The following ITGB8 variants were observed in gnomAD, a reference collection of about 807,000 sequenced individuals.
The protein encoded by ITGB8 is integrin subunit beta 8, also known as integrin beta-8.
A neutral mutation model predicts 89.5 loss-of-function variants in ITGB8; 30 were observed. That is an observed-to-expected ratio of 0.34 (90% confidence interval 0.25 to 0.45). The LOEUF (loss-of-function observed/expected upper bound fraction) is 0.45, where lower values mean the gene tolerates loss of function less well. ITGB8 is among the 20% of genes least tolerant of loss of function. The pLI is 1.00. For synonymous variants in ITGB8, 335 were observed against 320.4 expected (o/e 1.05, Z -0.49); for missense variants, 836 against 933.3 (o/e 0.90, Z 1.36).
intron 3 of ITGB8, among the ~76,000 whole-genome samples, chr7:20,376,688 T>C (rs1454970392): frequency 6.6e-6 from 1 of 152,134 alleles, no homozygotes; most frequent in Non-Finnish European, 1.5e-5. Context: ...AGAGCACGAT[T>C]TGGGGTCAGC....
At chr7:20,358,630 T>G (rs1248297667) in intron 1 of ITGB8, among the ~76,000 whole-genome samples, 2 of 152,140 alleles carry the variant, frequency 1.3e-5, no homozygotes, top group African/African-American at 4.8e-5. Context: ...CTCGAACTCC[T>G]GAACTCAGGT....
At chr7:20,364,080 G>T (rs1379747396) in intron 2 of ITGB8, among the ~76,000 whole-genome samples, 1 of 152,150 alleles carries the variant, frequency 6.6e-6, no homozygotes, top group Non-Finnish European at 1.5e-5. Context: ...GTATCCTGTT[G>T]TTCAAAATAA....
chr7:20,331,406 T>G lies in ITGB8; in HGVS notation c.-401T>G. 3 of 397,166 alleles carry G rather than the reference T, an allele frequency of 7.6e-6. No individual in the cohort carries two copies. Among genetic ancestry groups the G allele is most frequent in the African/African-American group, 2.1e-5 (1 of 48,646 alleles). 24.6% of individuals were successfully genotyped at this position (397,166 alleles called of 1,614,324 possible). The stretch of plus-strand genomic sequence containing the variant: ...AGCTTCGGGCTTTGTTTGGGTTTGA[T>G]TGTGTTTGGCTCTTCGCTAAGCTGA... On this transcript the variant is annotated 5_prime_UTR_variant, in exon 1 of 14. Coordinates refer to ENST00000222573, the MANE Select transcript of ITGB8 (RefSeq NM_002214.3).
rs1425034569 is a variant in ITGB8 at position 20,412,037 on chromosome 7, AC to A, written c.*2041del. 2 of 152,610 alleles carry A rather than the reference AC, an allele frequency of 1.3e-5. No individual in the cohort carries two copies. Among genetic ancestry groups the A allele is most frequent in the African/African-American group, 4.8e-5 (2 of 41,442 alleles). The allele number at this position is 152,610 out of a possible 1,614,324, so 9.5% of individuals were successfully genotyped here. A position where few individuals can be genotyped will look rare whatever the true frequency, so the allele number is the denominator to read the frequency against. Reference sequence around the variant, plus strand: ...CGAAATATCTTTTTTTTTATAATAAACTTCCAAGATTTGCTGTCTTCCAGCA... The same window carrying A: ...CGAAATATCTTTTTTTTTATAATAAATTCCAAGATTTGCTGTCTTCCAGCA... On this transcript the variant is annotated 3_prime_UTR_variant, in exon 14 of 14. Coordinates refer to ENST00000222573, the MANE Select transcript of ITGB8 (RefSeq NM_002214.3).
At chr7:20,332,061 T>G (rs947034688) in intron 1 of ITGB8, 128 bp downstream of exon 1, 60 of 1,463,390 alleles carry the variant, frequency 4.1e-5, no homozygotes, top group Non-Finnish European at 5.1e-5. Flanking sequence ...AGGGGGCGGG[T>G]GCGGGGCAGC....
At chr7:20,373,296 A>G (rs3807943) in intron 3 of ITGB8, among the ~76,000 whole-genome samples, 18,086 of 152,092 alleles carry the variant, frequency 0.12, 1,329 homozygotes, top group East Asian at 0.42. Context: ...TCACTTATGA[A>G]TCTTATGGAA....
intron 9 of ITGB8, among the ~76,000 whole-genome samples, chr7:20,400,050 T>G (rs1296689004): frequency 6.6e-6 from 1 of 152,190 alleles, no homozygotes; most frequent in Non-Finnish European, 1.5e-5. Context: ...ATATACCAGT[T>G]TGCAAAATGC....
At chr7:20,391,345 T>C (rs1583527105) in intron 6 of ITGB8, 58 bp from the exon 7 acceptor site, 1 of 868,390 alleles carries the variant, frequency 1.2e-6, no homozygotes, top group East Asian at 2.7e-5. Context: ...TATTAGATGT[T>C]TGAATAGGAT....
chr7:20,342,275 T>C (rs1429032461), intron 1 of ITGB8, among the ~76,000 whole-genome samples: 1 of 152,200 alleles, frequency 6.6e-6, no homozygotes, highest in Non-Finnish European at 1.5e-5. Context: ...TTGTTAGGGC[T>C]CTGTATTGAC....
At chr7:20,349,968 C>T (rs76463692) in intron 1 of ITGB8, among the ~76,000 whole-genome samples, 12,812 of 152,244 alleles carry the variant, frequency 0.084, 682 homozygotes, top group East Asian at 0.34. Flanking sequence ...CTACAGTCAA[C>T]GTACAGAACC....
rs1228794906 is a variant in ITGB8 at position 20,363,690 on chromosome 7, C to T, written c.181C>T (p.Leu61=). The T allele has an allele frequency of 1.2e-6, 2 of 1,605,580 alleles. No individual in the cohort carries two copies. Among genetic ancestry groups the T allele is most frequent in the Non-Finnish European group, 1.7e-6 (2 of 1,177,510 alleles). The part of the protein sequence containing the change: ...NAASCARCLA[L]GPECGWCVQE... ...AGCATCCTGTGCCAGGTGCCTTGCG[C>T]TGGGTCCAGAATGTGGATGGTGTGT... The change falls in exon 2 of 14, where the codon CTG becomes TTG. Residue 61 remains leucine, a synonymous_variant. Transcript: ENST00000222573.
chr7:20,381,087 G>A (rs1348835604), intron 5 of ITGB8: 4 of 328,520 alleles, frequency 1.2e-5, no homozygotes, highest in African/African-American at 6.5e-5. Flanking sequence ...TTTCCAAAAG[G>A]GCTGCTTTTC....
chr7:20,336,067 G>GCGATCT (rs1480824775), intron 1 of ITGB8, among the ~76,000 whole-genome samples: 1 of 138,674 alleles, frequency 7.2e-6, no homozygotes, highest in East Asian at 2.1e-4. Flanking sequence ...GTGCAGTGGT[G>GCGATCT]CGATCTCGGC....
intron 10 of ITGB8, among the ~76,000 whole-genome samples, chr7:20,403,329 T>G (rs1040601028): frequency 6.6e-6 from 1 of 152,232 alleles, no homozygotes; most frequent in Admixed American, 6.5e-5. Context: ...GTCCCACAGC[T>G]GTCAATCTCT....
In ITGB8 at chr7:20,354,507, G is replaced by A. The variant is rs140517633; in HGVS notation, c.128-9130G>A. On this transcript the variant is annotated intron_variant, in intron 1 of 13. Transcript: ENST00000222573. Reference sequence around the variant, plus strand: ...TTGAAAACAGGACGAAGTAAGATTCGAGTAAGCTTTCCTTTCACATCAGAC... The same window carrying A: ...TTGAAAACAGGACGAAGTAAGATTCAAGTAAGCTTTCCTTTCACATCAGAC... Among the ~76,000 whole-genome samples, 17 of 152,244 alleles carry A rather than the reference G, an allele frequency of 1.1e-4. No individual in the cohort carries two copies. In the East Asian group the frequency reaches 2.1e-3, roughly 19 times the overall value.
Position 20,349,759 on chromosome 7 carries a change from C to T in ITGB8, c.128-13878C>T, listed in dbSNP as rs540644245. The stretch of plus-strand genomic sequence containing the variant: ...CTAAAAATCATAGTTTAATGTTTTG[C>T]TATACACTGGCGGGAAAGAAATATA... On this transcript the variant is annotated intron_variant, in intron 1 of 13. Transcript: ENST00000222573. Among the ~76,000 whole-genome samples, 4 of 152,288 alleles carry T rather than the reference C, an allele frequency of 2.6e-5. No homozygotes were observed. In the South Asian group the frequency reaches 8.3e-4, roughly 32 times the overall value.
At chr7:20,355,374 A>C (rs1011930408) in intron 1 of ITGB8, among the ~76,000 whole-genome samples, 3 of 151,336 alleles carry the variant, frequency 2.0e-5, no homozygotes, top group African/African-American at 7.3e-5. Flanking sequence ...AACAATCTCT[A>C]CTCTAGGGTC....
chr7:20,406,242 T>C (rs1787538387), intron 12 of ITGB8, 71 bp downstream of exon 12: 1 of 962,786 alleles, frequency 1.0e-6, no homozygotes, highest in Admixed American at 1.8e-5. Context: ...AAAAGACCCA[T>C]AATTAACCAT....
intron 1 of ITGB8, among the ~76,000 whole-genome samples, chr7:20,334,339 T>C (rs1020823361): frequency 1.4e-4 from 21 of 152,182 alleles, no homozygotes; most frequent in Non-Finnish European, 2.8e-4. Context: ...TGTAGCAACA[T>C]TGTTTCCACA....
Sources: gnomAD v4.1 joint callset for allele counts (sites outside exome capture counted in the v4.1 genomes callset) on GRCh38, gnomAD v4.1.1 for gene constraint, MANE v1.5 for transcripts, NCBI Gene and HGNC (gene_info 2026-07-23, HGNC 2026-07-21) for gene names.